Variants in ARHGEF28 observed in about 807,000 individuals in gnomAD.
The protein encoded by ARHGEF28 is 190 kDa guanine nucleotide exchange factor.
ARHGEF28 carries 152 observed loss-of-function variants against 206.6 expected under a neutral mutation model. That is an observed-to-expected ratio of 0.74 (90% CI 0.64 to 0.84). The LOEUF is 0.84. Ranked by LOEUF, ARHGEF28 falls within the 40% of genes least tolerant of loss-of-function variation. The pLI, the probability that ARHGEF28 is intolerant of heterozygous loss-of-function variation, is 0.00. For synonymous variants in ARHGEF28, 763 were observed against 776.4 expected, an observed-to-expected ratio of 0.98 and a Z score of 0.29; for missense variants, 2,028 against 2,073.2, an observed-to-expected ratio of 0.98 and a Z score of 0.42.
At chr5:73,716,515 T>A (rs1381930293) in intron 2 of ARHGEF28, among the ~76,000 whole-genome samples, 2 of 152,126 alleles carry the variant, frequency 1.3e-5, no homozygotes, top group Non-Finnish European at 2.9e-5. Flanking sequence ...ATCCAACTAG[T>A]GTTTGCAGGA....
At chr5:73,794,553 G>T in intron 8 of ARHGEF28, 99 bp downstream of exon 8, 1 of 964,132 alleles carries the variant, frequency 1.0e-6, no homozygotes. Flanking sequence ...ACTAAAAAAA[G>T]GATGTGCCCC....
Position 73,882,508 on chromosome 5 carries a change from T to A in ARHGEF28, c.2851T>A (p.Tyr951Asn). The A allele has an allele frequency of 6.8e-7, 1 of 1,481,384 alleles. No homozygotes were observed. The highest frequency in any genetic ancestry group is 1.3e-5 in the South Asian group (1 of 75,814). The allele number at this position is 1,481,384 out of a possible 1,614,324, so 91.8% of individuals were successfully genotyped here. A position where few individuals can be genotyped will look rare whatever the true frequency, so the allele number is the denominator to read the frequency against. The change falls in exon 23 of 36, where the codon TAT becomes AAT. Residue 951 changes from tyrosine (Y) to asparagine (N), a missense_variant. This residue lies in a region of ARHGEF28 where 223 missense variants were observed against 289.9 expected (regional missense o/e 0.77). Transcript: ENST00000513042. The stretch of plus-strand genomic sequence containing the variant: ...AAATGCAAGTAAAATGAAGAAAATA[T>A]ATGGAGAATTCTGTTGCCATCATAA... ...EENASKMKKIYGEFCCHHKEA... is the reference protein window; with the variant it reads ...EENASKMKKINGEFCCHHKEA...
Position 73,780,752 on chromosome 5 carries a change from A to G in ARHGEF28, c.910+7A>G, listed in dbSNP as rs1164648010. The G allele has an allele frequency of 1.9e-6, 3 of 1,554,474 alleles. No individual in the cohort carries two copies. The highest frequency in any genetic ancestry group is 1.4e-5 in the African/African-American group (1 of 73,130). On this transcript the variant is annotated splice_region_variant and intron_variant, in intron 7 of 35. Transcript: ENST00000513042. ...GGTGCAGAAACTGAAGAAGGTACGC[A>G]TGCTCCTTTCCCACTTATGGCAGCC...
At chr5:73,714,478 C>T (rs1238313334) in intron 2 of ARHGEF28, among the ~76,000 whole-genome samples, 2 of 152,100 alleles carry the variant, frequency 1.3e-5, no homozygotes, top group Non-Finnish European at 2.9e-5. Context: ...TTCTTCTATC[C>T]TCAGAAGAGA....
At chr5:73,935,869 A>G (rs911158252) in intron 35 of ARHGEF28, among the ~76,000 whole-genome samples, 1 of 152,146 alleles carries the variant, frequency 6.6e-6, no homozygotes, top group Non-Finnish European at 1.5e-5. Context: ...TTTGATGGGG[A>G]GGATGGAATG....
At chr5:73,650,193 A>G (rs1265751602) in intron 1 of ARHGEF28, among the ~76,000 whole-genome samples, 1 of 150,628 alleles carries the variant, frequency 6.6e-6, no homozygotes, top group African/African-American at 2.4e-5. Context: ...TGTAGTGTGT[A>G]TGCTTGTTTT....
At chr5:73,811,645 T>A (rs1443614436) in intron 9 of ARHGEF28, among the ~76,000 whole-genome samples, 1 of 152,200 alleles carries the variant, frequency 6.6e-6, no homozygotes, top group Non-Finnish European at 1.5e-5. Context: ...CATATCCTTA[T>A]AATTATACCC....
At chr5:73,705,718 G>C (rs145811052) in intron 2 of ARHGEF28, among the ~76,000 whole-genome samples, 5 of 152,200 alleles carry the variant, frequency 3.3e-5, no homozygotes, top group African/African-American at 4.8e-5. Flanking sequence ...CTTGCTGTGG[G>C]CTAAGGGAAA....
intron 9 of ARHGEF28, among the ~76,000 whole-genome samples, chr5:73,811,653 C>A (rs1218153929): frequency 6.6e-6 from 1 of 152,098 alleles, no homozygotes; most frequent in Non-Finnish European, 1.5e-5. Context: ...TATAATTATA[C>A]CCAGCTGGTT....
intron 25 of ARHGEF28, among the ~76,000 whole-genome samples, chr5:73,887,265 C>T (rs1761356229): frequency 6.6e-6 from 1 of 152,140 alleles, no homozygotes; most frequent in Non-Finnish European, 1.5e-5. Flanking sequence ...GTAGAAGCTG[C>T]CCTTTTACAT....
intron 2 of ARHGEF28, among the ~76,000 whole-genome samples, chr5:73,726,700 T>C (rs996517200): frequency 2.6e-5 from 4 of 152,160 alleles, no homozygotes; most frequent in Admixed American, 6.5e-5. Context: ...TTAGTGGAAA[T>C]GAGAGAACAT....
At chr5:73,664,581 T>C (rs749279508) in intron 1 of ARHGEF28, among the ~76,000 whole-genome samples, 19 of 152,212 alleles carry the variant, frequency 1.2e-4, no homozygotes, top group Non-Finnish European at 2.1e-4. Flanking sequence ...TTGCCTAGTA[T>C]AATAGAGTGC....
At chr5:73,766,750 C>A (rs1041156562) in intron 4 of ARHGEF28, among the ~76,000 whole-genome samples, 10 of 152,178 alleles carry the variant, frequency 6.6e-5, no homozygotes, top group Non-Finnish European at 4.4e-5. Context: ...CTGCTAGAGG[C>A]AATGTAAGTT....
chr5:73,775,816 A>T (rs2339607), intron 5 of ARHGEF28, among the ~76,000 whole-genome samples: 1 of 151,850 alleles, frequency 6.6e-6, no homozygotes, highest in Non-Finnish European at 1.5e-5. Flanking sequence ...ATGAAGCCTG[A>T]ATGTAATTTA....
intron 4 of ARHGEF28, among the ~76,000 whole-genome samples, chr5:73,770,126 A>G (rs1753142003): frequency 6.6e-6 from 1 of 152,230 alleles, no homozygotes; most frequent in South Asian, 2.1e-4. Context: ...AAACTGTCTG[A>G]CCTTCCTTGC....
chr5:73,813,703 CG>C, intron 9 of ARHGEF28: 1 of 1,524,246 alleles, frequency 6.6e-7, no homozygotes, highest in Non-Finnish European at 8.8e-7. Flanking sequence ...CTTTCCTTCA[CG>C]GGCAAAACCA....
intron 35 of ARHGEF28, among the ~76,000 whole-genome samples, chr5:73,925,113 G>A (rs969008710): frequency 7.2e-5 from 11 of 152,274 alleles, no homozygotes; most frequent in Non-Finnish European, 1.3e-4. Context: ...CCGTGGATAA[G>A]GGTTGGTATC....
At chr5:73,885,122 G>A (rs1440854723) in intron 24 of ARHGEF28, among the ~76,000 whole-genome samples, 1 of 152,112 alleles carries the variant, frequency 6.6e-6, no homozygotes, top group Non-Finnish European at 1.5e-5. Flanking sequence ...TTTTATGGAG[G>A]AAGGGATCAA....
chr5:73,800,617 A>G (rs115607370), intron 9 of ARHGEF28, among the ~76,000 whole-genome samples: 3,128 of 152,254 alleles, frequency 0.021, 123 homozygotes, highest in African/African-American at 0.07. Context: ...AAGGAAACCC[A>G]ACTTCATACC....
Sources: gnomAD v4.1 joint callset for allele counts (sites outside exome capture counted in the v4.1 genomes callset) on GRCh38, gnomAD v4.1.1 for gene constraint, gnomAD v4.1.1 regional missense constraint, MANE v1.5 for transcripts, NCBI Gene and HGNC (gene_info 2026-07-23, HGNC 2026-07-21) for gene names.